GMIP: variants seen among roughly 807,000 people sequenced by gnomAD.
GMIP encodes GEM interacting protein, also known as GEM-interacting protein.
GMIP carries 54 observed loss-of-function variants against 105.3 expected under a neutral mutation model. The ratio of observed to expected loss-of-function variants is 0.51; its 90% CI spans 0.41 to 0.64. The LOEUF is 0.64. Ranked by LOEUF, GMIP falls within the 30% of genes least tolerant of loss-of-function variation. The pLI, the probability that GMIP is intolerant of heterozygous loss-of-function variation, is 0.00. For synonymous variants in GMIP, 541 were observed against 560.8 expected (o/e 0.96, Z 0.50); for missense variants, 1,110 against 1,319.4 (o/e 0.84, Z 2.46).
Position 19,637,066 on chromosome 19 carries a change from A to C in GMIP, c.1125-37T>G. The C allele has an allele frequency of 7.1e-7, 1 of 1,413,016 alleles. No homozygotes were observed. Among genetic ancestry groups the C allele is most frequent in the Non-Finnish European group, 9.8e-7 (1 of 1,021,368 alleles). 87.5% of individuals were successfully genotyped at this position (1,413,016 alleles called of 1,614,324 possible). On this transcript the variant is annotated intron_variant, in intron 11 of 20. Transcript: ENST00000203556. This position sits in a 1 kb window ranked among gnomAD's most constrained non-coding sequence, Gnocchi z 6.7. ...GAAGTTTGAAGGTTTGAATCCCAGG[A>C]AACTGGCCTGGGGTGATGGCACCCA... is the stretch of plus-strand genomic sequence containing the variant.
chr19:19,640,684 A>AGTAGTGTTTGGGGAGCTGTG, intron 4 of GMIP, 113 bp from the exon 5 acceptor site: 1 of 1,017,414 alleles, frequency 9.8e-7, no homozygotes, highest in Non-Finnish European at 1.5e-6. Flanking sequence ...CAGCTCCCCA[A>AGTAGTGTTTGGGGAGCTGTG]ACACTACTTT....
rs566675887 is a variant in GMIP at position 19,633,730 on chromosome 19, G to A, written c.2472+73C>T. 32 of 1,109,386 alleles carry A rather than the reference G, an allele frequency of 2.9e-5. No homozygotes were observed. In the South Asian group the frequency reaches 9.2e-4, roughly 32 times the overall value. The allele number at this position is 1,109,386 out of a possible 1,614,324, so 68.7% of individuals were successfully genotyped here. ...GAAGGAAATTTTAAAAAGGAAGGAA[G>A]GTGAAAGAGAAGGTAAGAGAATTGA... is the stretch of plus-strand genomic sequence containing the variant. On this transcript the variant is annotated intron_variant, in intron 19 of 20. Transcript: ENST00000203556.
rs201725101 is a variant in GMIP at position 19,635,558 on chromosome 19, C to T, written c.1417G>A (p.Gly473Arg). Residue 473 changes from glycine (G) to arginine (R), a missense_variant, in exon 15 of 21, where the codon GGG (glycine) becomes AGG (arginine). Transcript: ENST00000203556. The surrounding 1 kb of genome is among the most constrained non-coding windows in gnomAD (Gnocchi z 4.7). ...FEERDPDLGD[G>R]LENGLGSPFG... ...GGGCTGCCCAGCCCATTCTCCAGCCCGTCTCCCAGGTCTGCAGGGAGACAG... is the reference window on the plus strand; with the variant it reads ...GGGCTGCCCAGCCCATTCTCCAGCCTGTCTCCCAGGTCTGCAGGGAGACAG... 4.9e-5 allele frequency: 79 copies of T among 1,613,718 alleles called. No individual in the cohort carries two copies. The highest frequency in any genetic ancestry group is 5.9e-5 in the Non-Finnish European group (70 of 1,179,846).
intron 7 of GMIP, 132 bp from the exon 8 acceptor site, chr19:19,638,614 G>T: frequency 4.3e-6 from 3 of 700,958 alleles, no homozygotes; most frequent in Non-Finnish European, 4.8e-6. Context: ...TCGAGACGGA[G>T]TTTTGCTCTT....
At position 19,630,151 on chromosome 19, in the gene GMIP, G is replaced by A. The variant is rs1020163175; in HGVS notation, c.2725C>T (p.Arg909Trp). 14 of 1,603,486 alleles carry A rather than the reference G, an allele frequency of 8.7e-6. No homozygotes were observed. The highest frequency in any genetic ancestry group is 1.7e-4 in the Middle Eastern group (1 of 6,014). Residue 909 changes from arginine to tryptophan, a missense_variant, in exon 21 of 21, where the codon CGG (arginine) becomes TGG (tryptophan). This residue lies in a region of GMIP where 394 missense variants were observed against 450.5 expected (regional missense o/e 0.87). Coordinates refer to ENST00000203556, the MANE Select transcript of GMIP (RefSeq NM_016573.4). This position sits in a 1 kb window ranked among gnomAD's most constrained non-coding sequence, Gnocchi z 4.8. The part of the protein sequence containing the change: ...PITSVPRGSL[R>W]GRGPSPAAAS... ...GCTGCAGGGCTGGGCCCCCGCCCCC[G>A]CAAACTCCCTCTGGGCACTGATGTG...
At position 19,635,084 on chromosome 19, in the gene GMIP, C is replaced by T. The variant is rs750699499; in HGVS notation, c.1690G>A (p.Val564Ile). ...GTGCACTTCGTGACCACAAAGGGTA[C>T]CTCCTCCGGGAAGTCCCTGGGTAGC... ...LQLPRDFPEE[V>I]PFVVTKCTAE... Residue 564 changes from valine (V) to isoleucine (I), a missense_variant, in exon 16 of 21, where the codon GTA becomes ATA. Transcript: ENST00000203556. This position sits in a 1 kb window ranked among gnomAD's most constrained non-coding sequence, Gnocchi z 4.7. 3 of 1,614,016 alleles carry T rather than the reference C, an allele frequency of 1.9e-6. No individual in the cohort carries two copies. Among genetic ancestry groups the T allele is most frequent in the Non-Finnish European group, 2.5e-6 (3 of 1,180,008 alleles).
Position 19,642,519 on chromosome 19 carries a change from C to T in GMIP, c.104+16G>A, listed in dbSNP as rs755286695. The T allele has an allele frequency of 9.6e-6, 15 of 1,562,224 alleles. No homozygotes were observed. The highest frequency in any genetic ancestry group is 8.9e-5 in the South Asian group (8 of 89,792). On this transcript the variant is annotated intron_variant, in intron 2 of 20. Transcript: ENST00000203556. Reference sequence around the variant, plus strand: ...CATCTTGGCAGGATTTGGGGGTGATCCAGGCTCAGACTCACACGTTCCCCA... The same window carrying T: ...CATCTTGGCAGGATTTGGGGGTGATTCAGGCTCAGACTCACACGTTCCCCA...
intron 13 of GMIP, 113 bp downstream of exon 13, chr19:19,636,594 G>T (rs1475642825): frequency 3.8e-6 from 3 of 790,452 alleles, no homozygotes; most frequent in Non-Finnish European, 6.9e-6. Flanking sequence ...TAGGTCAGGG[G>T]TGTGGGGTAG....
intron 13 of GMIP, among the ~76,000 whole-genome samples, 191 bp downstream of exon 13, chr19:19,636,516 G>A (rs2061855302): frequency 6.6e-6 from 1 of 152,098 alleles, no homozygotes; most frequent in Non-Finnish European, 1.5e-5. Flanking sequence ...GAATGAGACT[G>A]TCTCAAATAA....
In GMIP at chr19:19,630,485, T is replaced by C. The variant is rs748561450; in HGVS notation, c.2525A>G (p.Asp842Gly). ...AACATACTCACCTTCCCCTCCCCCA[T>C]CTTTGGTGTCTTCAGCCACGTCCTC... ...QREDVAEDTKDGGGEVSSQGP... is the reference protein window; with the variant it reads ...QREDVAEDTKGGGGEVSSQGP... Residue 842 changes from aspartate (D) to glycine (G), a missense_variant, in exon 20 of 21, where the codon GAT becomes GGT. Around this residue, in one of 3 missense-constraint regions of GMIP, gnomAD observed 394 missense variants for 450.5 expected, o/e 0.87. Transcript: ENST00000203556. This position sits in a 1 kb window ranked among gnomAD's most constrained non-coding sequence, Gnocchi z 4.8. 4 of 1,613,934 alleles carry C rather than the reference T, an allele frequency of 2.5e-6. No homozygotes were observed. The highest frequency in any genetic ancestry group is 3.4e-6 in the Non-Finnish European group (4 of 1,179,896).
Position 19,638,474 on chromosome 19 carries a change from G to A in GMIP, c.546C>T (p.Ala182=), listed in dbSNP as rs747079908. ...ACTTCTCAATCTCAGTCCGTTTGGC[G>A]GCGAGGGGCTGGCAAGGGTTGGGGA... is the stretch of plus-strand genomic sequence containing the variant. ...QQKRDYYQPL[A]AKRTEIEKWR... The change falls in exon 8 of 21, where the codon GCC becomes GCT. Residue 182 remains alanine, a synonymous_variant. Coordinates refer to ENST00000203556, the MANE Select transcript of GMIP (RefSeq NM_016573.4). 15 of 1,613,968 alleles carry A rather than the reference G, an allele frequency of 9.3e-6. No individual in the cohort carries two copies. In the East Asian group the frequency reaches 2.5e-4, roughly 26 times the overall value.
In GMIP at chr19:19,635,863, A is replaced by G. The variant is rs1455465445; in HGVS notation, c.1328-142T>C. On this transcript the variant is annotated intron_variant, in intron 13 of 20. Coordinates refer to ENST00000203556, the MANE Select transcript of GMIP (RefSeq NM_016573.4). This position sits in a 1 kb window ranked among gnomAD's most constrained non-coding sequence, Gnocchi z 4.7. ...CAGGTCAGTGGTTAAGGGTTGGAGA[A>G]TTGGGTCAGCAACCTGAGGGGGGTG... 4.3e-6 allele frequency: 3 copies of G among 696,588 alleles called. No individual in the cohort carries two copies. The highest frequency in any genetic ancestry group is 7.6e-6 in the Non-Finnish European group (3 of 396,564). 43.2% of individuals were successfully genotyped at this position (696,588 alleles called of 1,614,324 possible). A position where few individuals can be genotyped will look rare whatever the true frequency, so the allele number is the denominator to read the frequency against.
At position 19,634,768 on chromosome 19, in the gene GMIP, C is replaced by CA; in HGVS notation, c.1887+23_1887+24insT. ...GCTGTGGAGGGCTCCTGCCCGCGTCCCCCTCAGTGTCCTGAGCACCAACCT... is the reference window on the plus strand; with the variant it reads ...GCTGTGGAGGGCTCCTGCCCGCGTCCACCCTCAGTGTCCTGAGCACCAACCT... On this transcript the variant is annotated intron_variant, in intron 17 of 20. Transcript: ENST00000203556. This position sits in a 1 kb window ranked among gnomAD's most constrained non-coding sequence, Gnocchi z 6.1. 1 of 1,612,440 alleles carries CA rather than the reference C, an allele frequency of 6.2e-7. No homozygotes were observed.
chr19:19,637,783 G>T lies in GMIP; in HGVS notation c.927+137C>A. 1.0e-6 allele frequency: 1 copy of T among 989,774 alleles called. No individual in the cohort carries two copies. The highest frequency in any genetic ancestry group is 1.5e-6 in the Non-Finnish European group (1 of 674,282). The allele number at this position is 989,774 out of a possible 1,614,324, so 61.3% of individuals were successfully genotyped here. A position where few individuals can be genotyped will look rare whatever the true frequency, so the allele number is the denominator to read the frequency against. On this transcript the variant is annotated intron_variant, in intron 10 of 20. Transcript: ENST00000203556. This position sits in a 1 kb window ranked among gnomAD's most constrained non-coding sequence, Gnocchi z 6.7. ...TCATGGGGCGGAGCCGAGACAGTGG[G>T]TCTGGGGGCGGGAACTGGCTGTCGA...
In GMIP at chr19:19,637,519, G is replaced by T; in HGVS notation, c.970C>A (p.Arg324Ser). Reference protein sequence around the residue: ...LFGLRGAQAERGPRAFAALAE... With the variant: ...LFGLRGAQAESGPRAFAALAE... Reference sequence around the variant, plus strand: ...AGGGCGGCGAAGGCGCGGGGGCCACGCTCTGCCTGCGCCCCCCGCAGCCCG... The same window carrying T: ...AGGGCGGCGAAGGCGCGGGGGCCACTCTCTGCCTGCGCCCCCCGCAGCCCG... The change falls in exon 11 of 21, where the codon CGT (arginine) becomes AGT (serine). Residue 324 changes from arginine (R) to serine (S), a missense_variant. By Grantham distance (110) the Arg-to-Ser change is moderately radical. This residue lies in a region of GMIP where 667 missense variants were observed against 773.2 expected (regional missense o/e 0.86). Coordinates refer to ENST00000203556, the MANE Select transcript of GMIP (RefSeq NM_016573.4). The surrounding 1 kb of genome is among the most constrained non-coding windows in gnomAD (Gnocchi z 6.7). The T allele has an allele frequency of 6.5e-7, 1 of 1,536,876 alleles. No homozygotes were observed. The highest frequency in any genetic ancestry group is 8.7e-7 in the Non-Finnish European group (1 of 1,143,394).
chr19:19,638,771 A>G (rs2061886017), intron 7 of GMIP, among the ~76,000 whole-genome samples: 1 of 147,236 alleles, frequency 6.8e-6, no homozygotes, highest in African/African-American at 2.5e-5. Flanking sequence ...TTAAAAAACA[A>G]TTTCTTCTTT....
rs745781390 is a variant in GMIP, at chr19:19,635,058, C to T, written c.1716G>A (p.Thr572=). 5.9e-5 allele frequency: 95 copies of T among 1,613,870 alleles called. No homozygotes were observed. The highest frequency in any genetic ancestry group is 1.6e-4 in the Middle Eastern group (1 of 6,082). The change falls in exon 16 of 21, where the codon ACG becomes ACA. Residue 572 remains threonine (T), a synonymous_variant. Coordinates refer to ENST00000203556, the MANE Select transcript of GMIP (RefSeq NM_016573.4). The surrounding 1 kb of genome is among the most constrained non-coding windows in gnomAD (Gnocchi z 4.7). The part of the protein sequence containing the change: ...EEVPFVVTKC[T]AEIEHRALDV... ...CCAGGGCACGGTGTTCTATCTCAGC[C>T]GTGCACTTCGTGACCACAAAGGGTA...
At chr19:19,633,690 A>C in intron 19 of GMIP, 113 bp downstream of exon 19, 1 of 710,574 alleles carries the variant, frequency 1.4e-6, no homozygotes, top group Non-Finnish European at 2.1e-6. Context: ...TAAATGAGGA[A>C]GGGAGGAAGA....
In GMIP at chr19:19,634,837, G is replaced by A; in HGVS notation, c.1842C>T (p.Asn614=). The A allele has an allele frequency of 6.2e-7, 1 of 1,613,892 alleles. No individual in the cohort carries two copies. Among genetic ancestry groups the A allele is most frequent in the Non-Finnish European group, 8.5e-7 (1 of 1,180,028 alleles). The change falls in exon 17 of 21, where the codon AAC becomes AAT. Residue 614 remains asparagine, a synonymous_variant. Coordinates refer to ENST00000203556, the MANE Select transcript of GMIP (RefSeq NM_016573.4). The surrounding 1 kb of genome is among the most constrained non-coding windows in gnomAD (Gnocchi z 6.1). ...GGACACTCGAGACGTCATGAGGCGA[G>A]TTCCCCGACAGCTCCACCAACGCTC... ...NGRALVELSG[N]SPHDVSSVLK... is the part of the protein sequence containing the mutation.
Sources: gnomAD v4.1 joint callset for allele counts (sites outside exome capture counted in the v4.1 genomes callset) on GRCh38, gnomAD v4.1.1 for gene constraint, gnomAD v4.1.1 regional missense constraint, Gnocchi (gnomAD v3.1) non-coding constraint, MANE v1.5 for transcripts, NCBI Gene and HGNC (gene_info 2026-07-23, HGNC 2026-07-21) for gene names.